The following LEMD1 variants were observed in gnomAD, a reference collection of about 807,000 sequenced individuals.
LEMD1 encodes the protein LEM domain-containing protein 1.
In LEMD1, 18 loss-of-function variants were observed where a neutral mutation model predicts 17.4. The ratio of observed to expected loss-of-function variants is 1.04; its 90% CI spans 0.72 to 1.54. The LOEUF (loss-of-function observed/expected upper bound fraction) is 1.54. Among genes scored for constraint, LEMD1 ranks in the 40% most tolerant of loss-of-function variants. The pLI is 0.00. For missense variants in LEMD1, 195 were observed against 210.4 expected (o/e 0.93, Z 0.45); for synonymous variants, 88 against 77.8 (o/e 1.13, Z -0.69).
chr1:205,398,825 G>C (rs886466423), intron 4 of LEMD1, among the ~76,000 whole-genome samples: 16 of 152,184 alleles, frequency 1.1e-4, no homozygotes, highest in African/African-American at 2.7e-4. Flanking sequence ...GGGCTGCAAG[G>C]GGGTGTTGGT....
chr1:205,444,132 C>T (rs1666343142), intron 1 of LEMD1, among the ~76,000 whole-genome samples: 1 of 152,096 alleles, frequency 6.6e-6, no homozygotes. Context: ...CTCCCATCCT[C>T]CCCCTCCTTT....
chr1:205,423,623 T>C (rs1666016980), upstream of LEMD1, among the ~76,000 whole-genome samples: 1 of 152,218 alleles, frequency 6.6e-6, no homozygotes, highest in South Asian at 2.1e-4. Flanking sequence ...TGCTTGAAAT[T>C]ATTCTCTTGA....
rs151077376 is a variant in LEMD1 at position 205,399,583 on chromosome 1, G to C, written c.271-15219C>G. 2.0e-3 allele frequency among the ~76,000 whole-genome samples: 299 copies of C among 152,280 alleles called. 1 individual carries two copies. The highest frequency in any genetic ancestry group is 6.8e-3 in the African/African-American group (281 of 41,552). On this transcript the variant is annotated intron_variant, in intron 4 of 5. Transcript: ENST00000367153. ...TTGTGAAAGGAATCAAGGCTCCTGG[G>C]GCAGGAAAAGTATAAGATGAGTCTG...
chr1:205,441,242 T>C lies in LEMD1; in HGVS notation c.-39+8626A>G, dbSNP rs1034859562. Among the ~76,000 whole-genome samples, 26 of 152,170 alleles carry C rather than the reference T, an allele frequency of 1.7e-4. No individual in the cohort carries two copies. Among genetic ancestry groups the C allele is most frequent in the African/African-American group, 6.0e-4 (25 of 41,436 alleles). Reference sequence around the variant, plus strand: ...AGTCAAGCCTCTAAACAACAGCTCTTTGAAACCTCAGTGTTTCCTGATCTG... The same window carrying C: ...AGTCAAGCCTCTAAACAACAGCTCTCTGAAACCTCAGTGTTTCCTGATCTG... On this transcript the variant is annotated intron_variant, in intron 1 of 3. Coordinates refer to the LEMD1 transcript ENST00000367154. The surrounding 1 kb of genome is among the most constrained non-coding windows in gnomAD (Gnocchi z 4.3).
intron 4 of LEMD1, among the ~76,000 whole-genome samples, chr1:205,406,777 C>T (rs551502823): frequency 3.8e-4 from 58 of 152,250 alleles, no homozygotes; most frequent in African/African-American, 1.2e-3. Flanking sequence ...ATGGAAATGC[C>T]GAAATCACAG....
At chr1:205,388,706 C>T (rs530168156) in intron 4 of LEMD1, among the ~76,000 whole-genome samples, 7 of 152,160 alleles carry the variant, frequency 4.6e-5, no homozygotes, top group African/African-American at 1.7e-4. Context: ...TATGTCAAAA[C>T]ATGTTTTTAA....
Position 205,381,391 on chromosome 1 carries a change from C to T in LEMD1, c.*267G>A, listed in dbSNP as rs534396153. ...AACGCCAGACAGTTTCCTTGTTTGA[C>T]GCCTGCTCAAATATGGAAGCACCTT... On this transcript the variant is annotated 3_prime_UTR_variant, in exon 6 of 6. Coordinates refer to ENST00000367153, the MANE Select transcript of LEMD1 (RefSeq NM_001199050.2). The T allele has an allele frequency of 3.1e-4, 147 of 477,562 alleles. 1 individual carries two copies. The highest frequency in any genetic ancestry group is 4.9e-4 in the Non-Finnish European group (130 of 264,396). 29.6% of individuals were successfully genotyped at this position (477,562 alleles called of 1,614,324 possible).
rs147921976 is a variant in LEMD1 at position 205,383,619 on chromosome 1, C to CT, written c.347+668dup. 6.2e-4 allele frequency among the ~76,000 whole-genome samples: 88 copies of CT among 142,302 alleles called. No individual in the cohort carries two copies. In the Middle Eastern group the frequency reaches 0.011, roughly 18 times the overall value. The allele number at this position is 142,302 out of a possible 152,430, so 93.4% of individuals were successfully genotyped here. On this transcript the variant is annotated intron_variant, in intron 5 of 5. Transcript: ENST00000367153. ...TCCTATTTAACTGTGTATTTATATC[C>CT]TTTTTTTTTTTTCTTTTTTCTTTTT...
intron 1 of LEMD1, among the ~76,000 whole-genome samples, chr1:205,442,711 C>T (rs1001673031): frequency 1.3e-5 from 2 of 152,208 alleles, no homozygotes; most frequent in African/African-American, 4.8e-5. Flanking sequence ...ATCATTTACA[C>T]ACCCACTCTG....
At chr1:205,429,648 G>A (rs1488090421) in intron 1 of LEMD1, among the ~76,000 whole-genome samples, 1 of 152,144 alleles carries the variant, frequency 6.6e-6, no homozygotes, top group Non-Finnish European at 1.5e-5. Flanking sequence ...AATCTAAACC[G>A]GAGATCACAG....
chr1:205,442,613 A>G (rs571485472), intron 1 of LEMD1, among the ~76,000 whole-genome samples: 6 of 152,302 alleles, frequency 3.9e-5, no homozygotes, highest in African/African-American at 1.4e-4. Context: ...GGTGCAATGC[A>G]TTTCCACTGG....
chr1:205,429,318 G>A (rs919161685), intron 1 of LEMD1, among the ~76,000 whole-genome samples: 1 of 152,202 alleles, frequency 6.6e-6, no homozygotes, highest in Non-Finnish European at 1.5e-5. Flanking sequence ...TGATATCCAC[G>A]CTGGTGGTGT....
At chr1:205,442,482 C>G (rs1157978093) in intron 1 of LEMD1, among the ~76,000 whole-genome samples, 1 of 152,212 alleles carries the variant, frequency 6.6e-6, no homozygotes, top group Admixed American at 6.5e-5. Flanking sequence ...CTTCGTGTTT[C>G]TCCAGACAGA....
intron 4 of LEMD1, among the ~76,000 whole-genome samples, chr1:205,411,368 C>CCATCCTGGCTAA (rs1309442423): frequency 6.6e-6 from 1 of 151,482 alleles, no homozygotes; most frequent in Admixed American, 6.6e-5. Context: ...GAGATCAAGA[C>CCATCCTGGCTAA]CACGATGAAA....
At chr1:205,414,401 C>T (rs1004624788) in intron 4 of LEMD1, among the ~76,000 whole-genome samples, 1 of 148,386 alleles carries the variant, frequency 6.7e-6, no homozygotes, top group Non-Finnish European at 1.5e-5. Context: ...TGGGCGACAG[C>T]GTGAGACCCC....
chr1:205,423,268 A>G (rs1226592895), upstream of LEMD1, among the ~76,000 whole-genome samples: 1 of 152,262 alleles, frequency 6.6e-6, no homozygotes, highest in African/African-American at 2.4e-5. Context: ...TCAAACAAAC[A>G]TGTAATGCAA....
chr1:205,405,145 T>G (rs1665032551), intron 4 of LEMD1, among the ~76,000 whole-genome samples: 1 of 152,188 alleles, frequency 6.6e-6, no homozygotes, highest in African/African-American at 2.4e-5. Flanking sequence ...ATTTTTTCCT[T>G]CATTTCAACT....
At chr1:205,383,949 AT>A (rs112731126) in intron 5 of LEMD1, among the ~76,000 whole-genome samples, 4,778 of 130,654 alleles carry the variant, frequency 0.037, 191 homozygotes, top group African/African-American at 0.11. Flanking sequence ...TATCCTTTAC[AT>A]TTTTTTTTTT....
At chr1:205,384,387 C>G in intron 4 of LEMD1, 23 bp from the exon 5 acceptor site, 1 of 1,436,294 alleles carries the variant, frequency 7.0e-7, no homozygotes, top group Non-Finnish European at 9.2e-7. Flanking sequence ...AAGAAAATGT[C>G]AAGAGGAATT....
Sources: gnomAD v4.1 joint callset for allele counts (sites outside exome capture counted in the v4.1 genomes callset) on GRCh38, gnomAD v4.1.1 for gene constraint, Gnocchi (gnomAD v3.1) non-coding constraint, MANE v1.5 for transcripts, NCBI Gene and HGNC (gene_info 2026-07-23, HGNC 2026-07-21) for gene names.